TMCO1: variants seen among roughly 807,000 people sequenced by gnomAD.
TMCO1 encodes calcium load-activated calcium channel.
A neutral mutation model predicts 29.3 loss-of-function variants in TMCO1; 29 were observed. That is an observed-to-expected ratio of 0.99 (90% CI 0.74 to 1.35). The LOEUF (loss-of-function observed/expected upper bound fraction) is 1.35, where lower values mean the gene tolerates loss of function less well. Ranked by LOEUF, TMCO1 falls within the 40% of genes most tolerant of loss-of-function variation. The probability of loss-of-function intolerance (pLI) is 0.00; values close to 1 mark genes in which losing one functional copy is unlikely to be tolerated. For synonymous variants in TMCO1, 80 were observed against 77.1 expected (o/e 1.04, Z -0.20); for missense variants, 173 against 225.5 (o/e 0.77, Z 1.49).
intron 2 of TMCO1, among the ~76,000 whole-genome samples, chr1:165,760,010 T>C (rs1193577196): frequency 6.6e-6 from 1 of 151,416 alleles, no homozygotes. Flanking sequence ...TCTAAGCAGA[T>C]GAAAAAAAAA....
chr1:165,763,757 T>C (rs1652477626), intron 2 of TMCO1, among the ~76,000 whole-genome samples: 7 of 152,138 alleles, frequency 4.6e-5, no homozygotes, highest in Non-Finnish European at 8.8e-5. Context: ...TCCCAAGTAG[T>C]TGGGACCACA....
At chr1:165,747,352 C>A (rs1196023069) in intron 5 of TMCO1, among the ~76,000 whole-genome samples, 6 of 148,580 alleles carry the variant, frequency 4.0e-5, no homozygotes, top group African/African-American at 1.5e-4. Flanking sequence ...ATTACTTATA[C>A]TTATTTGGAA....
At chr1:165,738,644 G>C (rs1043714398) in intron 6 of TMCO1, among the ~76,000 whole-genome samples, 2 of 152,166 alleles carry the variant, frequency 1.3e-5, no homozygotes, top group African/African-American at 2.4e-5. Context: ...TAATTCTCTT[G>C]TGCATAAGCT....
At position 165,763,736 on chromosome 1, in the gene TMCO1, C is replaced by G. The variant is rs145143770; in HGVS notation, c.149-4152G>C. ...CGCCTCCTGAGCTCAAGCAATCCTC[C>G]CACCTCAGCCTCCCAAGTAGTTGGG... On this transcript the variant is annotated intron_variant, in intron 2 of 6. Coordinates refer to ENST00000367881, the MANE Select transcript of TMCO1 (RefSeq NM_019026.6). Among the ~76,000 whole-genome samples the G allele has an allele frequency of 5.6e-4, 85 of 152,284 alleles. 1 individual carries two copies. In the East Asian group the frequency reaches 0.014, roughly 26 times the overall value.
chr1:165,745,331 C>G (rs996007546), intron 5 of TMCO1, among the ~76,000 whole-genome samples: 1 of 149,462 alleles, frequency 6.7e-6, no homozygotes, highest in African/African-American at 2.5e-5. Flanking sequence ...CTTACATAAT[C>G]TTTTAGTATC....
intron 3 of TMCO1, chr1:165,754,831 A>C (rs1652135063): frequency 6.5e-6 from 1 of 153,658 alleles, no homozygotes; most frequent in Admixed American, 6.5e-5. Context: ...CTGTCTCTGC[A>C]AAAAATTTAC....
chr1:165,746,248 G>C (rs931948919), intron 5 of TMCO1, among the ~76,000 whole-genome samples: 1 of 149,890 alleles, frequency 6.7e-6, no homozygotes, highest in Admixed American at 6.7e-5. Context: ...GGCGGAGGTC[G>C]TAGTGAGCCG....
intron 2 of TMCO1, among the ~76,000 whole-genome samples, chr1:165,764,020 A>T (rs1018225562): frequency 1.3e-5 from 2 of 152,246 alleles, no homozygotes; most frequent in Non-Finnish European, 2.9e-5. Context: ...AATATTGTAG[A>T]TACCAGTGAA....
intron 5 of TMCO1, among the ~76,000 whole-genome samples, chr1:165,744,764 T>C (rs1651725862): frequency 7.8e-6 from 1 of 127,912 alleles, no homozygotes; most frequent in South Asian, 2.5e-4. Context: ...CATTCTATCC[T>C]GGGCAACAAG....
At chr1:165,725,294 G>C (rs759443641), downstream of TMCO1, 29 of 453,832 alleles carry the variant, frequency 6.4e-5, no homozygotes, top group South Asian at 4.5e-4. Context: ...GGATCTAGAA[G>C]CTCTATCAAT....
At chr1:165,766,785 A>AAAAATT (rs1652586722) in intron 2 of TMCO1, among the ~76,000 whole-genome samples, 2 of 151,516 alleles carry the variant, frequency 1.3e-5, no homozygotes, top group Admixed American at 6.6e-5. Context: ...AATAAAAAAT[A>AAAAATT]AAAAAAGGAT....
intron 3 of TMCO1, among the ~76,000 whole-genome samples, chr1:165,756,376 A>T (rs1652193148): frequency 6.6e-6 from 1 of 152,142 alleles, no homozygotes; most frequent in African/African-American, 2.4e-5. Context: ...CTCTGCTTGC[A>T]GGACTTGCTT....
intron 5 of TMCO1, among the ~76,000 whole-genome samples, chr1:165,750,834 CCTGGG>C (rs1183592306): frequency 3.9e-5 from 6 of 152,076 alleles, no homozygotes; most frequent in African/African-American, 1.4e-4. Flanking sequence ...CTTTGGGAGG[CCTGGG>C]TGGGAGGATC....
chr1:165,732,405 A>G (rs927919940), intron 6 of TMCO1, among the ~76,000 whole-genome samples: 4 of 149,370 alleles, frequency 2.7e-5, no homozygotes, highest in Non-Finnish European at 5.9e-5. Flanking sequence ...AAAAAAAAAA[A>G]GGAATAAAAA....
chr1:165,760,969 G>A (rs1442496772), intron 2 of TMCO1, among the ~76,000 whole-genome samples: 1 of 151,956 alleles, frequency 6.6e-6, no homozygotes, highest in Non-Finnish European at 1.5e-5. Context: ...CAAACAGTAC[G>A]GTATAGGTAC....
intron 6 of TMCO1, among the ~76,000 whole-genome samples, chr1:165,734,185 T>C (rs1036957179): frequency 1.3e-5 from 2 of 152,218 alleles, no homozygotes; most frequent in African/African-American, 4.8e-5. Context: ...AAAACGACCC[T>C]TTCCAATATT....
intron 6 of TMCO1, among the ~76,000 whole-genome samples, chr1:165,732,513 A>C (rs755399592): frequency 2.3e-4 from 34 of 151,042 alleles, no homozygotes; most frequent in Non-Finnish European, 4.3e-4. Flanking sequence ...CTCTATATAT[A>C]TATATATAAA....
At position 165,743,275 on chromosome 1, in the gene TMCO1, G is replaced by A. The variant is rs1383917687; in HGVS notation, c.360C>T (p.Thr120=). The A allele has an allele frequency of 6.2e-7, 1 of 1,613,122 alleles. No homozygotes were observed. The change falls in exon 6 of 7, where the codon ACC becomes ACT. Residue 120 remains threonine, a synonymous_variant. Coordinates refer to ENST00000367881, the MANE Select transcript of TMCO1 (RefSeq NM_019026.6). ...ACAGTCCTTGGATGTAAGAAAGAGG[G>A]GTAAAAGGAAGCTTTGCCACCACTC... ...DGRVVAKLPF[T]PLSYIQGLSH... is the part of the protein sequence containing the mutation.
chr1:165,765,856 T>A (rs1044105995), intron 2 of TMCO1, among the ~76,000 whole-genome samples: 2 of 151,994 alleles, frequency 1.3e-5, no homozygotes, highest in Admixed American at 6.5e-5. Context: ...TTCTGCTGAG[T>A]GAAAGGGACA....
Sources: allele counts gnomAD v4.1 joint callset (sites outside exome capture counted in the v4.1 genomes callset), GRCh38; gene constraint gnomAD v4.1.1; transcripts MANE v1.5; gene names NCBI Gene and HGNC (gene_info 2026-07-23, HGNC 2026-07-21).